The following TOR1A variants were observed in gnomAD, a reference collection of about 807,000 sequenced individuals.
TOR1A encodes the protein torsin-1A.
A neutral mutation model predicts 31.4 loss-of-function variants in TOR1A; 18 were observed. The ratio of observed to expected loss-of-function variants is 0.57; its 90% CI spans 0.40 to 0.85. TOR1A has a LOEUF of 0.85. Ranked by LOEUF, TOR1A falls within the 40% of genes least tolerant of loss-of-function variation. TOR1A has a pLI of 0.00. For missense variants in TOR1A, 375 were observed against 416.4 expected, an observed-to-expected ratio of 0.90 and a Z score of 0.87; for synonymous variants, 168 against 165.9, an observed-to-expected ratio of 1.01 and a Z score of -0.10.
chr9:129,818,818 T>C lies in TOR1A; in HGVS notation c.547A>G (p.Ile183Val), dbSNP rs2031107384. The change falls in exon 3 of 5, where the codon ATC (isoleucine) becomes GTC (valine). Residue 183 changes from isoleucine (I) to valine (V), a missense_variant. By Grantham distance (29) the Ile-to-Val change is conservative (BLOSUM62 3). Coordinates refer to ENST00000351698, the MANE Select transcript of TOR1A (RefSeq NM_000113.3). ...DKMHAGLIDA[I>V]KPFLDYYDLV... is the part of the protein sequence containing the mutation. ...TCATAATAGTCGAGGAAAGGCTTGA[T>C]GGCATCTATGAGGCCTGCATGCATC... The C allele has an allele frequency of 1.2e-6, 2 of 1,613,796 alleles. No homozygotes were observed. Among genetic ancestry groups the C allele is most frequent in the South Asian group, 2.2e-5 (2 of 91,088 alleles).
At chr9:129,823,329 C>G in intron 1 of TOR1A, 1 of 291,078 alleles carries the variant, frequency 3.4e-6, no homozygotes, top group South Asian at 3.3e-5. Context: ...CCTCAGGTCT[C>G]CGACTTAAGT....
intron 4 of TOR1A, among the ~76,000 whole-genome samples, chr9:129,817,838 CA>C (rs760010551): frequency 0.02 from 900 of 45,732 alleles, 5 homozygotes; most frequent in East Asian, 0.14. Context: ...CAGTCTCTAC[CA>C]AAAAAAAAAA....
chr9:129,820,031 A>G (rs1440534892), intron 2 of TOR1A, among the ~76,000 whole-genome samples: 2 of 152,116 alleles, frequency 1.3e-5, no homozygotes, highest in African/African-American at 4.8e-5. Flanking sequence ...TCCAGCAGCC[A>G]AGGTTTCTCA....
intron 4 of TOR1A, chr9:129,818,285 A>G (rs901304623): frequency 1.7e-6 from 1 of 604,156 alleles, no homozygotes; most frequent in East Asian, 3.3e-5. Flanking sequence ...CCTAGGTGAC[A>G]GAGTAAAACT....
At chr9:129,816,367 G>T (rs2031039241) in intron 4 of TOR1A, among the ~76,000 whole-genome samples, 1 of 152,052 alleles carries the variant, frequency 6.6e-6, no homozygotes, top group South Asian at 2.1e-4. Context: ...CTGGCCCCGG[G>T]GGGAAAGATA....
rs1278785273 is a variant in TOR1A at position 129,813,456 on chromosome 9, G to A, written c.*516C>T. 7 of 241,490 alleles carry A rather than the reference G, an allele frequency of 2.9e-5. No homozygotes were observed. The highest frequency in any genetic ancestry group is 5.7e-5 in the Non-Finnish European group (7 of 122,676). 15.0% of individuals were successfully genotyped at this position (241,490 alleles called of 1,614,324 possible). A position where few individuals can be genotyped will look rare whatever the true frequency, so the allele number is the denominator to read the frequency against. On this transcript the variant is annotated 3_prime_UTR_variant, in exon 5 of 5. Coordinates refer to ENST00000351698, the MANE Select transcript of TOR1A (RefSeq NM_000113.3). ...CTCATGCTCCAGCCACATCCCCAGGGATGCCCTCCTGTGGAACAAATGCCA... is the reference window on the plus strand; with the variant it reads ...CTCATGCTCCAGCCACATCCCCAGGAATGCCCTCCTGTGGAACAAATGCCA...
chr9:129,816,642 ACAGT>A (rs2031046267), intron 4 of TOR1A, among the ~76,000 whole-genome samples: 2 of 152,292 alleles, frequency 1.3e-5, no homozygotes, highest in South Asian at 2.1e-4. Flanking sequence ...GCCTGAGGTC[ACAGT>A]CAGTCTGTGG....
At position 129,813,939 on chromosome 9, in the gene TOR1A, C is replaced by G; in HGVS notation, c.*33G>C. On this transcript the variant is annotated 3_prime_UTR_variant, in exon 5 of 5. Transcript: ENST00000351698. ...ACTGAGTGTTGTTTCTTTTCCAACT[C>G]CAGGCAGTGACTCCGGCTGCCAATC... 6.2e-7 allele frequency: 1 copy of G among 1,612,226 alleles called. No homozygotes were observed. The highest frequency in any genetic ancestry group is 1.1e-5 in the South Asian group (1 of 91,068).
chr9:129,814,575 A>C (rs1057259176), intron 4 of TOR1A, among the ~76,000 whole-genome samples: 1 of 151,770 alleles, frequency 6.6e-6, no homozygotes, highest in Non-Finnish European at 1.5e-5. Flanking sequence ...AGATGTTAAC[A>C]GGCACCTGCA....
rs781744029 is a variant in TOR1A, at chr9:129,818,972, A to G, written c.445-52T>C. ...ACAAAGTTCTCAGCCAGGGCCATCA[A>G]TCAGCTCCTTCTACCACTAAGAACC... On this transcript the variant is annotated intron_variant, in intron 2 of 4. Coordinates refer to ENST00000351698, the MANE Select transcript of TOR1A (RefSeq NM_000113.3). 9.4e-6 allele frequency: 15 copies of G among 1,593,072 alleles called. No homozygotes were observed. In the South Asian group the frequency reaches 1.6e-4, roughly 16 times the overall value.
rs1446271598 is a variant in TOR1A, at chr9:129,819,948, AT to A, written c.445-1029del. ...TCCGTCTCAAAAAAAAAAAATAATA[AT>A]AATAATAAATAAATAAAATAAAATA... On this transcript the variant is annotated intron_variant, in intron 2 of 4. Coordinates refer to ENST00000351698, the MANE Select transcript of TOR1A (RefSeq NM_000113.3). Among the ~76,000 whole-genome samples the A allele has an allele frequency of 6.1e-3, 905 of 149,296 alleles. 5 individuals carry two copies. The highest frequency in any genetic ancestry group is 0.021 in the Middle Eastern group (6 of 284).
In TOR1A at chr9:129,824,110, G is replaced by A. The variant is rs915245277; in HGVS notation, c.-25C>T. ...TGCCCGGACCCGCGCCACCCTGCTTGTTCTCGCGCCGACCGCGAACCGGTG... is the reference window on the plus strand; with the variant it reads ...TGCCCGGACCCGCGCCACCCTGCTTATTCTCGCGCCGACCGCGAACCGGTG... On this transcript the variant is annotated 5_prime_UTR_variant, in exon 1 of 5. Transcript: ENST00000351698. 2.6e-6 allele frequency: 4 copies of A among 1,548,418 alleles called. No individual in the cohort carries two copies. The highest frequency in any genetic ancestry group is 2.7e-5 in the African/African-American group (2 of 73,448).
Position 129,813,538 on chromosome 9 carries a change from G to T in TOR1A, c.*434C>A. 3.3e-6 allele frequency: 1 copy of T among 302,274 alleles called. No homozygotes were observed. Among genetic ancestry groups the T allele is most frequent in the South Asian group, 2.9e-5 (1 of 34,534 alleles). 18.7% of individuals were successfully genotyped at this position (302,274 alleles called of 1,614,324 possible). A position where few individuals can be genotyped will look rare whatever the true frequency, so the allele number is the denominator to read the frequency against. ...GATACATCACAGTCTATGTAATAAT[G>T]ATGAGAACTTAAAAAAAAACACACA... On this transcript the variant is annotated 3_prime_UTR_variant, in exon 5 of 5. Coordinates refer to ENST00000351698, the MANE Select transcript of TOR1A (RefSeq NM_000113.3).
chr9:129,814,316 C>T, intron 4 of TOR1A, 94 bp from the exon 5 acceptor site: 3 of 1,587,672 alleles, frequency 1.9e-6, no homozygotes, highest in South Asian at 2.2e-5. Context: ...CCCATCCGTC[C>T]CACAAACGTC....
intron 4 of TOR1A, among the ~76,000 whole-genome samples, chr9:129,817,896 G>C (rs146663132): frequency 9.9e-5 from 15 of 150,940 alleles, no homozygotes; most frequent in African/African-American, 3.7e-4. Context: ...GCAAGCCTGT[G>C]GTTCCACCTA....
At chr9:129,822,455 G>A in intron 2 of TOR1A, 126 bp downstream of exon 2, 1 of 1,301,686 alleles carries the variant, frequency 7.7e-7, no homozygotes, top group South Asian at 1.3e-5. Flanking sequence ...TTTCCAAGGG[G>A]AACTGAGACA....
rs2031108470 is a variant in TOR1A, at chr9:129,818,838, T to C, written c.527A>G (p.His176Arg). The change falls in exon 3 of 5, where the codon CAT becomes CGT. Residue 176 changes from histidine (H) to arginine (R), a missense_variant. By Grantham distance (29) the His-to-Arg change is conservative. Coordinates refer to ENST00000351698, the MANE Select transcript of TOR1A (RefSeq NM_000113.3). Reference sequence around the variant, plus strand: ...CTTGATGGCATCTATGAGGCCTGCATGCATCTTATCCATTTCATCAAATAT... The same window carrying C: ...CTTGATGGCATCTATGAGGCCTGCACGCATCTTATCCATTTCATCAAATAT... ...IFIFDEMDKMHAGLIDAIKPF... is the reference protein window; with the variant it reads ...IFIFDEMDKMRAGLIDAIKPF... The C allele has an allele frequency of 1.9e-6, 3 of 1,614,024 alleles. No individual in the cohort carries two copies. Among genetic ancestry groups the C allele is most frequent in the Non-Finnish European group, 1.7e-6 (2 of 1,180,046 alleles).
chr9:129,818,597 C>G lies in TOR1A; in HGVS notation c.671G>C (p.Ser224Thr). 1 of 1,614,246 alleles carries G rather than the reference C, an allele frequency of 6.2e-7. No homozygotes were observed. Among genetic ancestry groups the G allele is most frequent in the Non-Finnish European group, 8.5e-7 (1 of 1,180,042 alleles). Residue 224 changes from serine (S) to threonine (T), a missense_variant, in exon 4 of 5, where the codon AGT becomes ACT. Physicochemically the swap from Ser to Thr is moderately conservative, Grantham distance 58. Coordinates refer to ENST00000351698, the MANE Select transcript of TOR1A (RefSeq NM_000113.3). ...CTTGATGTCTTCCCTCTGCTTTCCA[C>G]TCCTCCAGAAATCCAAAGCCACATC... ...ITDVALDFWR[S>T]GKQREDIKLK...
intron 2 of TOR1A, chr9:129,822,307 T>C: frequency 2.0e-6 from 1 of 499,414 alleles, no homozygotes; most frequent in Middle Eastern, 3.0e-4. Flanking sequence ...GATGTGTTGA[T>C]CTCTAAGATG....
Sources: allele counts gnomAD v4.1 joint callset (sites outside exome capture counted in the v4.1 genomes callset), GRCh38; gene constraint gnomAD v4.1.1; transcripts MANE v1.5; gene names NCBI Gene and HGNC (gene_info 2026-07-23, HGNC 2026-07-21).